The following LIMA1 variants were observed in gnomAD, a reference collection of about 807,000 sequenced individuals.
LIMA1 encodes the protein LIM domain and actin binding 1, also known as LIM domain and actin-binding protein 1.
Under a neutral mutation model 62.6 loss-of-function variants are expected in LIMA1, and 52 were observed. The ratio of observed to expected loss-of-function variants is 0.83; its 90% CI spans 0.67 to 1.05. The LOEUF (loss-of-function observed/expected upper bound fraction) is 1.05. LIMA1 is among the 50% of genes least tolerant of loss of function. The pLI is 0.00. For missense variants in LIMA1, 780 were observed against 902.2 expected (o/e 0.86, Z 1.74); for synonymous variants, 302 against 317.8 (o/e 0.95, Z 0.53).
intron 4 of LIMA1, among the ~76,000 whole-genome samples, chr12:50,213,283 G>A (rs1236840684): frequency 6.6e-6 from 1 of 152,206 alleles, no homozygotes; most frequent in African/African-American, 2.4e-5. Context: ...CTGTTTTTAT[G>A]TTTTCAATTT....
chr12:50,233,874 A>G (rs1941649137), intron 2 of LIMA1, among the ~76,000 whole-genome samples: 1 of 152,198 alleles, frequency 6.6e-6, no homozygotes, highest in Non-Finnish European at 1.5e-5. Context: ...AAAAGATCAT[A>G]CTATGTTTGG....
chr12:50,218,039 G>A (rs1941377434), intron 4 of LIMA1, among the ~76,000 whole-genome samples: 1 of 151,572 alleles, frequency 6.6e-6, no homozygotes, highest in Non-Finnish European at 1.5e-5. Flanking sequence ...CGAGTAGCTG[G>A]GACTACAGGC....
rs1159745396 is a variant in LIMA1, at chr12:50,176,236, C to T, written c.*828G>A. 6.6e-6 allele frequency: 1 copy of T among 152,138 alleles called. No individual in the cohort carries two copies. The highest frequency in any genetic ancestry group is 2.4e-5 in the African/African-American group (1 of 41,434). The allele number at this position is 152,138 out of a possible 1,614,324, so 9.4% of individuals were successfully genotyped here. A position where few individuals can be genotyped will look rare whatever the true frequency, so the allele number is the denominator to read the frequency against. ...TTAAACTCTTCACTTTGCTCTAACACGGAAGATGGGGGACAGTGATCCCGA... is the reference window on the plus strand; with the variant it reads ...TTAAACTCTTCACTTTGCTCTAACATGGAAGATGGGGGACAGTGATCCCGA... On this transcript the variant is annotated 3_prime_UTR_variant, in exon 11 of 11. Coordinates refer to ENST00000341247, the MANE Select transcript of LIMA1 (RefSeq NM_016357.5).
intron 1 of LIMA1, among the ~76,000 whole-genome samples, chr12:50,271,373 C>T (rs929622376): frequency 1.3e-5 from 2 of 151,930 alleles, no homozygotes; most frequent in Admixed American, 6.6e-5. Context: ...TAAAAAATTA[C>T]CAGATCAAAT....
intron 3 of LIMA1, among the ~76,000 whole-genome samples, chr12:50,228,628 T>C (rs1941566518): frequency 6.6e-6 from 1 of 152,226 alleles, no homozygotes; most frequent in Admixed American, 6.5e-5. Flanking sequence ...TAGCTTTAAG[T>C]ACCACTGACA....
rs947987592 is a variant in LIMA1, at chr12:50,261,258, T to G, written c.-23-12484A>C. Among the ~76,000 whole-genome samples the G allele has an allele frequency of 7.9e-5, 12 of 151,714 alleles. No individual in the cohort carries two copies. In the South Asian group the frequency reaches 8.4e-4, roughly 11 times the overall value. Reference sequence around the variant, plus strand: ...TCAGTAGAGATGGGTTTCACCGTGTTAGCCAGGATGGTCTCCATCTCCTGA... The same window carrying G: ...TCAGTAGAGATGGGTTTCACCGTGTGAGCCAGGATGGTCTCCATCTCCTGA... On this transcript the variant is annotated intron_variant, in intron 1 of 10. Transcript: ENST00000341247.
chr12:50,268,594 A>AATTACTATTATT (rs1555211381), intron 1 of LIMA1, among the ~76,000 whole-genome samples: 14 of 149,188 alleles, frequency 9.4e-5, no homozygotes, highest in Non-Finnish European at 1.9e-4. Flanking sequence ...GCCATGAAGC[A>AATTACTATTATT]ATTATTATTA....
In LIMA1 at chr12:50,181,965, C is replaced by T. The variant is rs1263722137; in HGVS notation, c.1213G>A (p.Ala405Thr). ...CTGATGTGAAACACCTGCTGGTTGG[C>T]CAAGAGACGCTCCATTGGATAGACT... ...KTVYPMERLL[A>T]NQQVFHISCF... The change falls in exon 10 of 11, where the codon GCC becomes ACC. Residue 405 changes from alanine to threonine, a missense_variant. Transcript: ENST00000341247. 3.1e-6 allele frequency: 5 copies of T among 1,613,704 alleles called. No homozygotes were observed. The highest frequency in any genetic ancestry group is 4.2e-6 in the Non-Finnish European group (5 of 1,180,014).
intron 7 of LIMA1, among the ~76,000 whole-genome samples, chr12:50,200,536 G>T (rs1298744121): frequency 6.6e-6 from 1 of 152,196 alleles, no homozygotes; most frequent in South Asian, 2.1e-4. Flanking sequence ...TCAGCTCTTT[G>T]CCTTCTGAGC....
intron 3 of LIMA1, 143 bp from the exon 4 acceptor site, chr12:50,222,628 G>A: frequency 6.5e-7 from 1 of 1,535,508 alleles, no homozygotes; most frequent in Non-Finnish European, 8.7e-7. Flanking sequence ...TTACAGCCTT[G>A]CCACATGGAG....
At chr12:50,281,472 C>T (rs910541420) in intron 1 of LIMA1, among the ~76,000 whole-genome samples, 1 of 152,108 alleles carries the variant, frequency 6.6e-6, no homozygotes, top group Non-Finnish European at 1.5e-5. Flanking sequence ...CACCTTTAAC[C>T]AGAGTCTGGA....
At chr12:50,253,640 C>T (rs918773513) in intron 1 of LIMA1, among the ~76,000 whole-genome samples, 1 of 152,172 alleles carries the variant, frequency 6.6e-6, no homozygotes, top group East Asian at 1.9e-4. Flanking sequence ...CAGAGATAAT[C>T]ATTCCTGCTT....
intron 1 of LIMA1, among the ~76,000 whole-genome samples, chr12:50,283,171 G>A (rs1033452989): frequency 2.4e-5 from 3 of 125,690 alleles, no homozygotes; most frequent in African/African-American, 9.1e-5. Flanking sequence ...CGGTGGGAGA[G>A]GACGGGGTAT....
intron 4 of LIMA1, among the ~76,000 whole-genome samples, chr12:50,217,263 C>A (rs902306334): frequency 3.3e-5 from 5 of 151,894 alleles, no homozygotes; most frequent in African/African-American, 1.2e-4. Context: ...AGGTGTATTC[C>A]CTTCAGAAAA....
intron 8 of LIMA1, among the ~76,000 whole-genome samples, chr12:50,193,605 C>T (rs1307601540): frequency 7.0e-4 from 2 of 2,856 alleles, no homozygotes; most frequent in Non-Finnish European, 2.3e-3. Context: ...TATATATATA[C>T]ATGTATATAT....
At chr12:50,230,098 TATCTCGGCTTACTGCA>T (rs1941587655) in intron 3 of LIMA1, 1 of 152,278 alleles carries the variant, frequency 6.6e-6, no homozygotes. Flanking sequence ...GCAGTGGTGC[TATCTCGGCTTACTGCA>T]ATCTCTGCCT....
intron 3 of LIMA1, among the ~76,000 whole-genome samples, chr12:50,225,408 T>C (rs1318534392): frequency 1.3e-5 from 2 of 152,216 alleles, no homozygotes; most frequent in Non-Finnish European, 2.9e-5. Flanking sequence ...TGACAGTTTA[T>C]ATGGTATATA....
intron 9 of LIMA1, chr12:50,186,146 G>T (rs1234424154): frequency 6.6e-6 from 1 of 152,244 alleles, no homozygotes; most frequent in East Asian, 1.9e-4. Flanking sequence ...ATTATCACAG[G>T]CCTGGCATAC....
intron 3 of LIMA1, among the ~76,000 whole-genome samples, chr12:50,227,689 T>C (rs1941552053): frequency 6.6e-6 from 1 of 152,164 alleles, no homozygotes; most frequent in Non-Finnish European, 1.5e-5. Context: ...ACAAAGATTC[T>C]GCCACTCCCT....
Sources: gnomAD v4.1 joint callset for allele counts (sites outside exome capture counted in the v4.1 genomes callset) on GRCh38, gnomAD v4.1.1 for gene constraint, MANE v1.5 for transcripts, NCBI Gene and HGNC (gene_info 2026-07-23, HGNC 2026-07-21) for gene names.